The following FBXL7 variants were observed in gnomAD, a reference collection of about 807,000 sequenced individuals.
FBXL7 encodes the protein F-box/LRR-repeat protein 7.
Under a neutral mutation model 38.3 loss-of-function variants are expected in FBXL7, and 12 were observed. The ratio of observed to expected loss-of-function variants is 0.31; its 90% CI spans 0.20 to 0.51. The LOEUF is 0.51. Ranked by LOEUF, FBXL7 falls within the 20% of genes least tolerant of loss-of-function variation. The pLI is 0.98. For synonymous variants in FBXL7, 297 were observed against 300.9 expected (o/e 0.99, Z 0.13); for missense variants, 567 against 676.4 (o/e 0.84, Z 1.79).
At chr5:15,561,025 C>T (rs766169840) in intron 1 of FBXL7, among the ~76,000 whole-genome samples, 7 of 152,092 alleles carry the variant, frequency 4.6e-5, no homozygotes, top group Non-Finnish European at 8.8e-5. Context: ...CACATGTTTC[C>T]GTTTTTTGTG....
At chr5:15,513,581 A>C (rs1004410486) in intron 1 of FBXL7, among the ~76,000 whole-genome samples, 1 of 152,218 alleles carries the variant, frequency 6.6e-6, no homozygotes, top group East Asian at 1.9e-4. Context: ...ATGTGTGTTC[A>C]GATCAGATGG....
chr5:15,791,873 G>C (rs1407788653), intron 2 of FBXL7, among the ~76,000 whole-genome samples: 2 of 152,126 alleles, frequency 1.3e-5, no homozygotes, highest in Non-Finnish European at 2.9e-5. Context: ...GTAGCCCTTA[G>C]AGATCTGGCT....
chr5:15,766,530 T>C (rs1206209591), intron 2 of FBXL7, among the ~76,000 whole-genome samples: 1 of 152,212 alleles, frequency 6.6e-6, no homozygotes, highest in Non-Finnish European at 1.5e-5. Context: ...GAATATAAGT[T>C]AGTAGCCAGG....
chr5:15,783,410 A>G (rs1348546491), intron 2 of FBXL7, among the ~76,000 whole-genome samples: 1 of 152,216 alleles, frequency 6.6e-6, no homozygotes, highest in Non-Finnish European at 1.5e-5. Flanking sequence ...GTCGAAGGTG[A>G]CATCAAGGTC....
chr5:15,863,283 G>A (rs765325709), intron 2 of FBXL7, among the ~76,000 whole-genome samples: 1 of 152,208 alleles, frequency 6.6e-6, no homozygotes, highest in Non-Finnish European at 1.5e-5. Flanking sequence ...AAGATTTTCA[G>A]TGTTAACCTT....
chr5:15,585,012 A>C (rs1236271314), intron 1 of FBXL7, among the ~76,000 whole-genome samples: 3 of 152,204 alleles, frequency 2.0e-5, no homozygotes, highest in African/African-American at 7.2e-5. Flanking sequence ...ATCCCTTTCA[A>C]CTACTCTGCT....
At chr5:15,921,174 G>A (rs566514481) in intron 2 of FBXL7, among the ~76,000 whole-genome samples, 89 of 152,208 alleles carry the variant, frequency 5.8e-4, no homozygotes, top group African/African-American at 2.1e-3. Context: ...TTAAGGTCAG[G>A]AGTTCGAGAC....
chr5:15,825,870 A>G (rs1311118624), intron 2 of FBXL7, among the ~76,000 whole-genome samples: 3 of 152,232 alleles, frequency 2.0e-5, no homozygotes, highest in Non-Finnish European at 4.4e-5. Flanking sequence ...AGAGGAAGAA[A>G]AGGAGAAACT....
chr5:15,537,627 T>C (rs577501401), intron 1 of FBXL7, among the ~76,000 whole-genome samples: 1 of 152,326 alleles, frequency 6.6e-6, no homozygotes, highest in African/African-American at 2.4e-5. Context: ...GGACAAATTG[T>C]TGTGGTCCCC....
At chr5:15,800,656 A>C (rs1056450901) in intron 2 of FBXL7, among the ~76,000 whole-genome samples, 1 of 152,218 alleles carries the variant, frequency 6.6e-6, no homozygotes, top group Non-Finnish European at 1.5e-5. Context: ...GGTGAAACAT[A>C]TCACCATTGC....
chr5:15,740,228 C>T (rs1735859316), intron 2 of FBXL7, among the ~76,000 whole-genome samples: 2 of 152,122 alleles, frequency 1.3e-5, no homozygotes, highest in Admixed American at 1.3e-4. Flanking sequence ...ATGTGAAGAT[C>T]ATTCTCTTAA....
At position 15,803,519 on chromosome 5, in the gene FBXL7, T is replaced by TC. The variant is rs973052352; in HGVS notation, c.128-124367dup. 2.0e-5 allele frequency among the ~76,000 whole-genome samples: 3 copies of TC among 152,014 alleles called. No homozygotes were observed. In the Middle Eastern group the frequency reaches 0.01, roughly 517 times the overall value. On this transcript the variant is annotated intron_variant, in intron 2 of 3. Coordinates refer to ENST00000504595, the MANE Select transcript of FBXL7 (RefSeq NM_012304.5). ...TAAATATTCTTTGTTACTCATATTTTCCCCTTTCTCCCCCCATCCTTCCTC... is the reference window on the plus strand; with the variant it reads ...TAAATATTCTTTGTTACTCATATTTTCCCCCTTTCTCCCCCCATCCTTCCTC...
intron 1 of FBXL7, among the ~76,000 whole-genome samples, chr5:15,582,253 G>T (rs1045874319): frequency 2.0e-5 from 3 of 152,136 alleles, no homozygotes; most frequent in African/African-American, 4.8e-5. Flanking sequence ...TAGATGAAAG[G>T]TTGAAATGCA....
chr5:15,847,606 C>T (rs987047087), intron 2 of FBXL7, among the ~76,000 whole-genome samples: 1 of 152,144 alleles, frequency 6.6e-6, no homozygotes, highest in Admixed American at 6.5e-5. Context: ...AAGAATTTCA[C>T]TCTCTTGATT....
chr5:15,777,749 AAATT>A lies in FBXL7; in HGVS notation c.128-150140_128-150137del, dbSNP rs1736895344. Among the ~76,000 whole-genome samples, 63 of 140,722 alleles carry A rather than the reference AAATT, an allele frequency of 4.5e-4. 2 individuals carry two copies. The South Asian group carries it at 0.014, about 32-fold the overall frequency. The allele number at this position is 140,722 out of a possible 152,430, so 92.3% of individuals were successfully genotyped here. On this transcript the variant is annotated intron_variant, in intron 2 of 3. Transcript: ENST00000504595. The stretch of plus-strand genomic sequence containing the variant: ...AAAAAAAAAAAAAAAAAAAAAAAGT[AAATT>A]CCAGTTCCAAGGTTGAATAACTTTT...
At chr5:15,817,123 T>G (rs1452140351) in intron 2 of FBXL7, among the ~76,000 whole-genome samples, 1 of 152,128 alleles carries the variant, frequency 6.6e-6, no homozygotes, top group Non-Finnish European at 1.5e-5. Flanking sequence ...TGAACCCCAG[T>G]TTTTCTAACT....
intron 2 of FBXL7, among the ~76,000 whole-genome samples, chr5:15,919,985 A>G (rs1293131307): frequency 2.0e-5 from 3 of 152,186 alleles, no homozygotes; most frequent in Non-Finnish European, 4.4e-5. Flanking sequence ...TAGGCCAACC[A>G]TGGTGGCTCA....
chr5:15,728,778 A>T (rs992843526), intron 2 of FBXL7, among the ~76,000 whole-genome samples: 5 of 152,144 alleles, frequency 3.3e-5, no homozygotes, highest in Non-Finnish European at 4.4e-5. Context: ...TCCTTGAACT[A>T]CTGATAATTA....
At chr5:15,853,531 C>T (rs1739164288) in intron 2 of FBXL7, among the ~76,000 whole-genome samples, 1 of 152,020 alleles carries the variant, frequency 6.6e-6, no homozygotes, top group African/African-American at 2.4e-5. Flanking sequence ...AGTAATGAGA[C>T]TCAATCCTGG....
Sources: allele counts gnomAD v4.1 joint callset (sites outside exome capture counted in the v4.1 genomes callset), GRCh38; gene constraint gnomAD v4.1.1; transcripts MANE v1.5; gene names NCBI Gene and HGNC (gene_info 2026-07-23, HGNC 2026-07-21).